LRRTM4: variants seen among roughly 807,000 people sequenced by gnomAD.
LRRTM4 encodes leucine-rich repeat transmembrane neuronal protein 4.
LRRTM4 carries 25 observed loss-of-function variants against 47.6 expected under a neutral mutation model. The ratio of observed to expected loss-of-function variants is 0.53; its 90% CI spans 0.38 to 0.73. LRRTM4 has a LOEUF of 0.73. Among genes scored for constraint, LRRTM4 ranks in the 30% least tolerant of loss-of-function variants. LRRTM4 has a pLI of 0.00. For missense variants in LRRTM4, 638 were observed against 713.4 expected (o/e 0.89, Z 1.20); for synonymous variants, 311 against 269.5 (o/e 1.15, Z -1.51).
At chr2:77,067,975 A>G (rs1680016955) in intron 3 of LRRTM4, among the ~76,000 whole-genome samples, 2 of 152,282 alleles carry the variant, frequency 1.3e-5, no homozygotes, top group South Asian at 4.1e-4. Flanking sequence ...AAATTGAGCT[A>G]TTGCCTTGCA....
At chr2:77,152,634 T>A (rs1672460600) in intron 3 of LRRTM4, among the ~76,000 whole-genome samples, 1 of 152,116 alleles carries the variant, frequency 6.6e-6, no homozygotes, top group Non-Finnish European at 1.5e-5. Flanking sequence ...GGCCACTTTT[T>A]TGTATCTTAG....
chr2:77,172,660 T>A (rs1297957052), intron 3 of LRRTM4, among the ~76,000 whole-genome samples: 1 of 152,150 alleles, frequency 6.6e-6, no homozygotes, highest in Non-Finnish European at 1.5e-5. Context: ...AACAATAGCA[T>A]TCTTTTACCT....
At chr2:77,034,207 G>T (rs1678760698) in intron 3 of LRRTM4, among the ~76,000 whole-genome samples, 1 of 151,696 alleles carries the variant, frequency 6.6e-6, no homozygotes, top group South Asian at 2.1e-4. Context: ...ATAAACTACA[G>T]AAAAGATATG....
intron 3 of LRRTM4, among the ~76,000 whole-genome samples, chr2:77,499,173 A>G (rs1678477245): frequency 6.6e-6 from 1 of 151,886 alleles, no homozygotes; most frequent in African/African-American, 2.4e-5. Context: ...GCGGATACTG[A>G]TATTGGTATC....
At chr2:77,353,693 T>TATC (rs1671867373) in intron 3 of LRRTM4, among the ~76,000 whole-genome samples, 1 of 151,978 alleles carries the variant, frequency 6.6e-6, no homozygotes, top group South Asian at 2.1e-4. Context: ...AATTTATTAT[T>TATC]ATTATTATTA....
intron 3 of LRRTM4, among the ~76,000 whole-genome samples, chr2:76,957,912 T>TTGTGTGTGTGTATATATA (rs915809100): frequency 6.6e-6 from 1 of 151,034 alleles, no homozygotes; most frequent in African/African-American, 2.4e-5. Flanking sequence ...ATATATGTGT[T>TTGTGTGTGTGTATATATA]TGTGTGTGTG....
chr2:77,276,667 G>T (rs1676364553), intron 3 of LRRTM4, among the ~76,000 whole-genome samples: 1 of 105,244 alleles, frequency 9.5e-6, no homozygotes, highest in East Asian at 3.5e-4. Flanking sequence ...AAATGTTCTT[G>T]TATATAAATT....
At chr2:77,373,736 A>G (rs1672731890) in intron 3 of LRRTM4, among the ~76,000 whole-genome samples, 2 of 151,806 alleles carry the variant, frequency 1.3e-5, no homozygotes, top group South Asian at 2.1e-4. Flanking sequence ...ACTTAGATAT[A>G]AAACTCAGAA....
At chr2:77,422,219 G>A (rs1674927471) in intron 3 of LRRTM4, among the ~76,000 whole-genome samples, 1 of 152,184 alleles carries the variant, frequency 6.6e-6, no homozygotes, top group Admixed American at 6.6e-5. Context: ...TTTTCTTTGT[G>A]CAAGTATTCC....
intron 3 of LRRTM4, among the ~76,000 whole-genome samples, chr2:77,428,714 T>G (rs948861116): frequency 6.6e-6 from 1 of 152,350 alleles, no homozygotes; most frequent in East Asian, 1.9e-4. Context: ...AGGCCATTCA[T>G]TAACGGAAGA....
At chr2:76,988,147 T>C (rs912064700) in intron 3 of LRRTM4, among the ~76,000 whole-genome samples, 3 of 151,966 alleles carry the variant, frequency 2.0e-5, no homozygotes, top group Non-Finnish European at 4.4e-5. Flanking sequence ...ATGGGTTTTC[T>C]TGTGTTTTCC....
intron 3 of LRRTM4, among the ~76,000 whole-genome samples, chr2:77,285,571 G>C (rs542627043): frequency 6.6e-6 from 1 of 151,248 alleles, no homozygotes; most frequent in Non-Finnish European, 1.5e-5. Context: ...GTGAAACCCC[G>C]TCTCTACCCA....
intron 3 of LRRTM4, among the ~76,000 whole-genome samples, chr2:77,409,001 C>G (rs1172237354): frequency 6.6e-6 from 1 of 152,094 alleles, no homozygotes; most frequent in East Asian, 1.9e-4. Context: ...TTGCCGTTTT[C>G]ATCCCATTAT....
intron 3 of LRRTM4, among the ~76,000 whole-genome samples, chr2:77,421,382 A>T (rs1674875993): frequency 6.6e-6 from 1 of 152,116 alleles, no homozygotes; most frequent in Non-Finnish European, 1.5e-5. Context: ...TTTAGTTGTC[A>T]CATCTAGGGA....
At chr2:76,772,160 C>T (rs1430621988) in intron 3 of LRRTM4, among the ~76,000 whole-genome samples, 3 of 152,012 alleles carry the variant, frequency 2.0e-5, no homozygotes, top group African/African-American at 7.2e-5. Context: ...GGGACCAGTG[C>T]CATTATCAAA....
At chr2:76,904,003 A>G (rs1296734140) in intron 3 of LRRTM4, among the ~76,000 whole-genome samples, 1 of 152,260 alleles carries the variant, frequency 6.6e-6, no homozygotes, top group Non-Finnish European at 1.5e-5. Context: ...CAATTTAGTG[A>G]AAATGTTGAA....
chr2:76,867,141 G>A (rs1468789345), intron 3 of LRRTM4, among the ~76,000 whole-genome samples: 1 of 152,070 alleles, frequency 6.6e-6, no homozygotes, highest in Non-Finnish European at 1.5e-5. Context: ...CCTAGATGAC[G>A]GGTTGATAGG....
At chr2:77,377,430 T>C (rs1055165579) in intron 3 of LRRTM4, among the ~76,000 whole-genome samples, 7 of 152,004 alleles carry the variant, frequency 4.6e-5, no homozygotes, top group Admixed American at 4.6e-4. Context: ...GGATATACTA[T>C]AGGAATACTT....
intron 3 of LRRTM4, among the ~76,000 whole-genome samples, chr2:77,259,549 G>A (rs1337012549): frequency 1.3e-5 from 2 of 152,038 alleles, no homozygotes; most frequent in East Asian, 3.9e-4. Flanking sequence ...AAAGGATACA[G>A]ATGAATAGAC....
Sources: allele counts gnomAD v4.1 joint callset (sites outside exome capture counted in the v4.1 genomes callset), GRCh38; gene constraint gnomAD v4.1.1; transcripts MANE v1.5; gene names NCBI Gene and HGNC (gene_info 2026-07-23, HGNC 2026-07-21).